The following HEMK2 variants were observed in gnomAD, a reference collection of about 807,000 sequenced individuals.
The protein encoded by HEMK2 is methyltransferase HEMK2.
the HEMK2 span, among the ~76,000 whole-genome samples, chr21:28,758,756 T>C: frequency 0.19 from 29,415 of 152,110 alleles, 3,555 homozygotes; most frequent in African/African-American, 0.34. Context: ...AACCTCCCCA[T>C]GACAGGTTAC....
the HEMK2 span, among the ~76,000 whole-genome samples, chr21:28,767,936 G>A: frequency 6.6e-6 from 1 of 151,828 alleles, no homozygotes; most frequent in African/African-American, 2.4e-5. Context: ...GCTTTTCTAT[G>A]TGCCCCTCCA....
At chr21:28,665,391 T>TAAAAAA in the HEMK2 span, among the ~76,000 whole-genome samples, 33 of 108,754 alleles carry the variant, frequency 3.0e-4, no homozygotes, top group African/African-American at 1.3e-3. Context: ...TTTTTAATTT[T>TAAAAAA]TTTTTTTTTT....
the HEMK2 span, among the ~76,000 whole-genome samples, chr21:28,677,465 C>T: frequency 5.3e-5 from 8 of 152,356 alleles, no homozygotes; most frequent in South Asian, 1.2e-3. Context: ...GACTCCACCT[C>T]TGGGGGCAGG....
At chr21:28,746,936 T>C in the HEMK2 span, among the ~76,000 whole-genome samples, 3 of 152,226 alleles carry the variant, frequency 2.0e-5, no homozygotes, top group African/African-American at 4.8e-5. Flanking sequence ...TAAAAGGCTC[T>C]GAGACTATCA....
chr21:28,612,494 T>C, the HEMK2 span, among the ~76,000 whole-genome samples: 1 of 152,164 alleles, frequency 6.6e-6, no homozygotes, highest in Non-Finnish European at 1.5e-5. Flanking sequence ...TGGGAAAAAG[T>C]TGAAAGCATT....
chr21:28,711,792 C>A, the HEMK2 span, among the ~76,000 whole-genome samples: 1 of 152,120 alleles, frequency 6.6e-6, no homozygotes, highest in East Asian at 1.9e-4. Context: ...GCTTAAACAA[C>A]AAACATTTAT....
At chr21:28,729,960 G>A in the HEMK2 span, among the ~76,000 whole-genome samples, 13 of 152,172 alleles carry the variant, frequency 8.5e-5, no homozygotes, top group Non-Finnish European at 1.8e-4. Context: ...GAAGGTCAGA[G>A]TATCCACTTA....
chr21:28,789,665 C>A, the HEMK2 span, among the ~76,000 whole-genome samples: 1 of 152,154 alleles, frequency 6.6e-6, no homozygotes, highest in African/African-American at 2.4e-5. Flanking sequence ...AAACAGCCGA[C>A]ATGTAGATTA....
At chr21:28,592,307 T>G in the HEMK2 span, among the ~76,000 whole-genome samples, 1 of 152,224 alleles carries the variant, frequency 6.6e-6, no homozygotes, top group African/African-American at 2.4e-5. Flanking sequence ...ATCAGCGATG[T>G]TGAGGTTTTA....
the HEMK2 span, among the ~76,000 whole-genome samples, chr21:28,628,988 A>G: frequency 2.6e-5 from 4 of 152,354 alleles, no homozygotes; most frequent in East Asian, 1.9e-4. Context: ...TTACCTGTTC[A>G]TAAGAATCAC....
the HEMK2 span, among the ~76,000 whole-genome samples, chr21:28,628,681 C>T: frequency 4.6e-5 from 7 of 152,282 alleles, no homozygotes; most frequent in African/African-American, 1.7e-4. Flanking sequence ...CTCAAACTCC[C>T]AACCTCAGGT....
the HEMK2 span, among the ~76,000 whole-genome samples, chr21:28,747,269 G>A: frequency 1.3e-5 from 2 of 152,232 alleles, no homozygotes; most frequent in Non-Finnish European, 2.9e-5. Context: ...GGCCCGGATG[G>A]AGGAGCCCAT....
the HEMK2 span, among the ~76,000 whole-genome samples, chr21:28,641,529 G>C: frequency 4.7e-4 from 72 of 152,124 alleles, no homozygotes; most frequent in African/African-American, 1.5e-3. Flanking sequence ...CCTAAACAAT[G>C]AGCATCTCAA....
chr21:28,776,873 CA>C, the HEMK2 span, among the ~76,000 whole-genome samples: 1 of 152,160 alleles, frequency 6.6e-6, no homozygotes, highest in East Asian at 1.9e-4. Context: ...GCTGCTCTGG[CA>C]GCTGATTAGA....
At chr21:28,846,150 G>A in the HEMK2 span, among the ~76,000 whole-genome samples, 93 of 152,290 alleles carry the variant, frequency 6.1e-4, no homozygotes, top group African/African-American at 2.1e-3. Flanking sequence ...TGGCCGCACA[G>A]TATTCCATGG....
the HEMK2 span, among the ~76,000 whole-genome samples, chr21:28,627,819 A>G: frequency 6.6e-6 from 1 of 152,140 alleles, no homozygotes; most frequent in Non-Finnish European, 1.5e-5. Flanking sequence ...GCAGATGGAA[A>G]ATTGAAAGTA....
At chr21:28,672,593 G>A in the HEMK2 span, among the ~76,000 whole-genome samples, 1 of 151,982 alleles carries the variant, frequency 6.6e-6, no homozygotes, top group Admixed American at 6.6e-5. Context: ...TCCAGGAGGT[G>A]GTCTTTCTCC....
the HEMK2 span, among the ~76,000 whole-genome samples, chr21:28,767,979 G>A: frequency 2.6e-5 from 4 of 151,866 alleles, no homozygotes; most frequent in African/African-American, 7.3e-5. Context: ...AGCCTCCAAC[G>A]TGATTGTTAG....
the HEMK2 span, among the ~76,000 whole-genome samples, chr21:28,867,348 T>C: frequency 6.6e-6 from 1 of 152,124 alleles, no homozygotes; most frequent in Non-Finnish European, 1.5e-5. Context: ...AGCAGAAAAC[T>C]CAATTTGAGA....
Sources: allele counts gnomAD v4.1 joint callset (sites outside exome capture counted in the v4.1 genomes callset), GRCh38; gene constraint gnomAD v4.1.1; transcripts MANE v1.5; gene names NCBI Gene and HGNC (gene_info 2026-07-23, HGNC 2026-07-21).